UCP3: variants seen among roughly 807,000 people sequenced by gnomAD.
UCP3 encodes the protein uncoupling protein 3.
Under a neutral mutation model 28.1 loss-of-function variants are expected in UCP3, and 24 were observed. The observed-to-expected ratio is 0.85, with a 90% confidence interval of 0.62 to 1.20. The LOEUF is 1.20. Ranked by LOEUF, UCP3 falls within the 50% of genes most tolerant of loss-of-function variation. The pLI, the probability that UCP3 is intolerant of heterozygous loss-of-function variation, is 0.00. For synonymous variants in UCP3, 184 were observed against 171.2 expected (o/e 1.07, Z -0.59); for missense variants, 397 against 422.2 (o/e 0.94, Z 0.52).
rs1951614360 is a variant in UCP3, at chr11:74,000,487, A to AC, written c.*924dup. The AC allele has an allele frequency of 6.6e-6, 1 of 152,060 alleles. No homozygotes were observed. The highest frequency in any genetic ancestry group is 1.5e-5 in the Non-Finnish European group (1 of 68,098). 9.4% of individuals were successfully genotyped at this position (152,060 alleles called of 1,614,324 possible). A position where few individuals can be genotyped will look rare whatever the true frequency, so the allele number is the denominator to read the frequency against. Reference sequence around the variant, plus strand: ...ATGGGGGTGGGGCTCCTGTGGCTTCACGTCATCCACTGTCACCTCTGGTCC... The same window carrying AC: ...ATGGGGGTGGGGCTCCTGTGGCTTCACCGTCATCCACTGTCACCTCTGGTCC... On this transcript the variant is annotated 3_prime_UTR_variant, in exon 7 of 7. Coordinates refer to ENST00000314032, the MANE Select transcript of UCP3 (RefSeq NM_003356.4).
rs772672705 is a variant in UCP3 at position 74,004,504 on chromosome 11, A to G, written c.623T>C (p.Leu208Pro). 8.1e-6 allele frequency: 13 copies of G among 1,614,042 alleles called. No homozygotes were observed. Among genetic ancestry groups the G allele is most frequent in the Non-Finnish European group, 9.3e-6 (11 of 1,180,012 alleles). The change falls in exon 5 of 7, where the codon CTG becomes CCG. Residue 208 changes from leucine to proline, a missense_variant. Transcript: ENST00000314032. ...VTYDILKEKL[L>P]DYHLLTDNFP... ...CTCACCAGTGAGCAGGTGGTAGTCC[A>G]GCAGCTTCTCCTTGAGGATGTCGTA...
In UCP3 at chr11:74,001,450, G is replaced by A. The variant is rs781629592; in HGVS notation, c.901C>T (p.Leu301=). Residue 301 remains leucine (L), a synonymous_variant, in exon 7 of 7, where the codon CTG becomes TTG. Coordinates refer to ENST00000314032, the MANE Select transcript of UCP3 (RefSeq NM_003356.4). The part of the protein sequence containing the change: ...FVTYEQLKRA[L]MKVQMLRESP... The stretch of plus-strand genomic sequence containing the variant: ...TCCCGTAACATCTGGACTTTCATCA[G>A]GGCCCGTTTCAGCTGCTCATAGGTT... 1.2e-6 allele frequency: 2 copies of A among 1,614,144 alleles called. No homozygotes were observed. The highest frequency in any genetic ancestry group is 1.7e-6 in the Non-Finnish European group (2 of 1,180,024).
intron 1 of UCP3, 102 bp downstream of exon 1, chr11:74,008,876 C>T (rs533984618): frequency 1.3e-5 from 2 of 152,322 alleles, no homozygotes; most frequent in South Asian, 4.1e-4. Flanking sequence ...CTAGTGAGCC[C>T]TGACTGCTCG....
chr11:74,001,545 A>G lies in UCP3; in HGVS notation c.825-19T>C. 1 of 1,612,538 alleles carries G rather than the reference A, an allele frequency of 6.2e-7. No individual in the cohort carries two copies. The highest frequency in any genetic ancestry group is 8.5e-7 in the Non-Finnish European group (1 of 1,178,576). On this transcript the variant is annotated intron_variant, in intron 6 of 6. Transcript: ENST00000314032. ...TGTAAATCTGATAAGAAAAACAACC[A>G]ACACATCAGGTGGAGTGCTAGGGGA...
At chr11:74,001,920 G>A in intron 6 of UCP3, 2 of 281,426 alleles carry the variant, frequency 7.1e-6, no homozygotes, top group Non-Finnish European at 6.9e-6. Flanking sequence ...GGGTGTTTCT[G>A]GGCTCAGTTA....
In UCP3 at chr11:74,006,270, T is replaced by C. The variant is rs776933539; in HGVS notation, c.236A>G (p.Asn79Ser). 17 of 1,613,454 alleles carry C rather than the reference T, an allele frequency of 1.1e-5. No homozygotes were observed. The highest frequency in any genetic ancestry group is 2.2e-5 in the South Asian group (2 of 91,058). ...GCGCTGCAGGCCGGCCACCAGCCCA[T>C]TGTAGGGGCTGCAGGGACCCTCAGT... ...VRTEGPCSPY[N>S]GLVAGLQRQM... The change falls in exon 3 of 7, where the codon AAT (asparagine) becomes AGT (serine). Residue 79 changes from asparagine to serine, a missense_variant. Physicochemically the swap from Asn to Ser is conservative, Grantham distance 46. Transcript: ENST00000314032.
chr11:74,005,246 C>T lies in UCP3; in HGVS notation c.541+484G>A, dbSNP rs377106492. ...AGCGCTTCCTCGTTGCATCTCCCTG[C>T]GCCCACTCCTCACAGCTGTGCTTTT... On this transcript the variant is annotated intron_variant, in intron 4 of 6. Transcript: ENST00000314032. 3.3e-5 allele frequency among the ~76,000 whole-genome samples: 5 copies of T among 152,328 alleles called. No individual in the cohort carries two copies. In the East Asian group the frequency reaches 5.8e-4, roughly 18 times the overall value.
chr11:74,008,367 C>A (rs995021610), intron 1 of UCP3, among the ~76,000 whole-genome samples: 6 of 152,166 alleles, frequency 3.9e-5, no homozygotes, highest in African/African-American at 1.4e-4. Context: ...TAGGAAAACT[C>A]CCTGTGGTAG....
chr11:74,001,574 C>G, intron 6 of UCP3, 48 bp from the exon 7 acceptor site: 1 of 1,541,128 alleles, frequency 6.5e-7, no homozygotes, highest in Non-Finnish European at 9.0e-7. Flanking sequence ...TAGGGGACCA[C>G]AACAGATGCG....
In UCP3 at chr11:74,001,198, T is replaced by C; in HGVS notation, c.*214A>G. On this transcript the variant is annotated 3_prime_UTR_variant, in exon 7 of 7. Transcript: ENST00000314032. ...AAAAATTAATATAATTTATTTTCCA[T>C]CTTGTCAGTGCAAAACAAAGGTGTT... The C allele has an allele frequency of 3.5e-6, 2 of 574,466 alleles. No individual in the cohort carries two copies. The highest frequency in any genetic ancestry group is 2.9e-5 in the East Asian group (1 of 34,810). 35.6% of individuals were successfully genotyped at this position (574,466 alleles called of 1,614,324 possible). A position where few individuals can be genotyped will look rare whatever the true frequency, so the allele number is the denominator to read the frequency against.
intron 4 of UCP3, 53 bp from the exon 5 acceptor site, chr11:74,004,638 G>A: frequency 1.3e-6 from 2 of 1,538,000 alleles, no homozygotes; most frequent in Middle Eastern, 1.7e-4. Flanking sequence ...GGGAGGAATG[G>A]GAAATGGGAG....
intron 4 of UCP3, 86 bp from the exon 5 acceptor site, chr11:74,004,671 G>T: frequency 7.5e-7 from 1 of 1,333,168 alleles, no homozygotes; most frequent in Non-Finnish European, 1.1e-6. Context: ...TGGCTGCAAG[G>T]CCACAGGCCC....
In UCP3 at chr11:74,000,426, T is replaced by C. The variant is rs1172008088; in HGVS notation, c.*986A>G. 8.1e-6 allele frequency: 1 copy of C among 123,646 alleles called. No homozygotes were observed. The highest frequency in any genetic ancestry group is 2.8e-5 in the African/African-American group (1 of 35,456). The allele number at this position is 123,646 out of a possible 1,614,324, so 7.7% of individuals were successfully genotyped here. A position where few individuals can be genotyped will look rare whatever the true frequency, so the allele number is the denominator to read the frequency against. On this transcript the variant is annotated 3_prime_UTR_variant, in exon 7 of 7. Transcript: ENST00000314032. The stretch of plus-strand genomic sequence containing the variant: ...CAACAATCCTTTGAGGTACTCATGA[T>C]TGAGCACGTGGTGGGGGGGGTGGGG...
At chr11:74,005,692 T>C (rs1268504859) in intron 4 of UCP3, 38 bp downstream of exon 4, 1 of 1,611,938 alleles carries the variant, frequency 6.2e-7, no homozygotes, top group Non-Finnish European at 8.5e-7. Context: ...GAGGGAAAGC[T>C]CTGCCTAAGA....
In UCP3 at chr11:74,007,082, G is replaced by A; in HGVS notation, c.-40C>T. On this transcript the variant is annotated 5_prime_UTR_variant, in exon 2 of 7. Coordinates refer to ENST00000314032, the MANE Select transcript of UCP3 (RefSeq NM_003356.4). ...CTGCCCAGTCCCTTTAGGGCCGAGAGGAGGTCCAAGGAGAGAGGCTGCTCC... is the reference window on the plus strand; with the variant it reads ...CTGCCCAGTCCCTTTAGGGCCGAGAAGAGGTCCAAGGAGAGAGGCTGCTCC... 1 of 1,610,150 alleles carries A rather than the reference G, an allele frequency of 6.2e-7. No individual in the cohort carries two copies. The highest frequency in any genetic ancestry group is 1.3e-5 in the African/African-American group (1 of 75,024).
At chr11:74,001,739 C>G in intron 6 of UCP3, 2 of 547,228 alleles carry the variant, frequency 3.7e-6, no homozygotes, top group Non-Finnish European at 6.5e-6. Flanking sequence ...AAAAAACTCA[C>G]GTTTTGAGAC....
At chr11:74,006,494 T>C in intron 2 of UCP3, 115 bp from the exon 3 acceptor site, 1 of 1,057,040 alleles carries the variant, frequency 9.5e-7, no homozygotes, top group Non-Finnish European at 1.3e-6. Context: ...ACAACCATGC[T>C]GGTCACAGTA....
rs148847746 is a variant in UCP3, at chr11:74,007,016, C to T, written c.27G>A (p.Val9=). MVGLKPSD[V]PPTMAVKFLG... ...GGAACTTCACAGCCATGGTGGGAGG[C>T]ACGTCTGAAGGCTTCAGTCCAACCA... is the stretch of plus-strand genomic sequence containing the variant. The change falls in exon 2 of 7, where the codon GTG becomes GTA. Residue 9 remains valine (V), a synonymous_variant. Coordinates refer to ENST00000314032, the MANE Select transcript of UCP3 (RefSeq NM_003356.4). 9.2e-5 allele frequency: 149 copies of T among 1,614,132 alleles called. No homozygotes were observed. The African/African-American group carries it at 9.9e-4, about 11-fold the overall frequency.
chr11:74,008,638 C>T (rs542389983), intron 1 of UCP3, among the ~76,000 whole-genome samples: 3 of 152,244 alleles, frequency 2.0e-5, no homozygotes, highest in Admixed American at 1.3e-4. Flanking sequence ...CTGGAGGAAT[C>T]GCAGAGATTC....
Sources: allele counts gnomAD v4.1 joint callset (sites outside exome capture counted in the v4.1 genomes callset), GRCh38; gene constraint gnomAD v4.1.1; transcripts MANE v1.5; gene names NCBI Gene and HGNC (gene_info 2026-07-23, HGNC 2026-07-21).